The following ETV5 variants were observed in gnomAD, a reference collection of about 807,000 sequenced individuals.
The protein encoded by ETV5 is ETS variant transcription factor 5, also known as ETS translocation variant 5.
A neutral mutation model predicts 70.0 loss-of-function variants in ETV5; 10 were observed. The observed-to-expected ratio is 0.14, with a 90% confidence interval of 0.09 to 0.24. The LOEUF is 0.24. Ranked by LOEUF, ETV5 falls within the 10% of genes least tolerant of loss-of-function variation. The probability of loss-of-function intolerance (pLI) is 1.00; values close to 1 mark genes in which losing one functional copy is unlikely to be tolerated. For synonymous variants in ETV5, 216 were observed against 242.2 expected (o/e 0.89, Z 1.01); for missense variants, 453 against 651.2 (o/e 0.70, Z 3.31).
chr3:186,105,323 C>A lies in ETV5; in HGVS notation c.214G>T (p.Asp72Tyr). The change falls in exon 5 of 13, where the codon GAT becomes TAT. Residue 72 changes from aspartate to tyrosine, a missense_variant. Physicochemically the swap from Asp to Tyr is radical, Grantham distance 160 (BLOSUM62 -3). Around this residue, in one of 4 missense-constraint regions of ETV5, gnomAD observed 47 missense variants for 96.8 expected, o/e 0.49. Transcript: ENST00000306376. The surrounding 1 kb of genome is among the most constrained non-coding windows in gnomAD (Gnocchi z 4.5). Reference sequence around the variant, plus strand: ...TACTTACGGTTATCAGACTGAAAATCTGGGACAAACTGTTCATCATCAGGA... The same window carrying A: ...TACTTACGGTTATCAGACTGAAAATATGGGACAAACTGTTCATCATCAGGA... ...QVPDDEQFVP[D>Y]FQSDNLVLHA... The A allele has an allele frequency of 1.2e-6, 2 of 1,612,698 alleles. No homozygotes were observed. Among genetic ancestry groups the A allele is most frequent in the Non-Finnish European group, 1.7e-6 (2 of 1,179,792 alleles).
intron 7 of ETV5, among the ~76,000 whole-genome samples, chr3:186,074,798 C>CAA: frequency 6.9e-6 from 1 of 145,610 alleles, no homozygotes. Flanking sequence ...CCTATAATTC[C>CAA]AGCTATGCAC....
intron 5 of ETV5, among the ~76,000 whole-genome samples, chr3:186,085,615 TCTC>T (rs1714039439): frequency 6.6e-6 from 1 of 151,578 alleles, no homozygotes; most frequent in Admixed American, 6.6e-5. Flanking sequence ...TTCAAGTGAT[TCTC>T]CTATCTCAGC....
In ETV5 at chr3:186,057,929, C is replaced by T. The variant is rs1473980687; in HGVS notation, c.971-438G>A. 6.6e-6 allele frequency among the ~76,000 whole-genome samples: 1 copy of T among 152,198 alleles called. No homozygotes were observed. The highest frequency in any genetic ancestry group is 1.5e-5 in the Non-Finnish European group (1 of 68,036). On this transcript the variant is annotated intron_variant, in intron 9 of 12. Coordinates refer to ENST00000306376, the MANE Select transcript of ETV5 (RefSeq NM_004454.3). The surrounding 1 kb of genome is among the most constrained non-coding windows in gnomAD (Gnocchi z 4.9). ...TTAATTTCAACCTTTCCTACTAACT[C>T]ATCCAAGCTACTCACATACCTCGTT...
At chr3:186,077,730 G>T (rs1304074458) in intron 7 of ETV5, among the ~76,000 whole-genome samples, 1 of 152,128 alleles carries the variant, frequency 6.6e-6, no homozygotes, top group African/African-American at 2.4e-5. Flanking sequence ...ACTCCCATGG[G>T]GACTCCTGTG....
In ETV5 at chr3:186,105,247, G is replaced by A; in HGVS notation, c.232+58C>T. 1 of 1,454,010 alleles carries A rather than the reference G, an allele frequency of 6.9e-7. No individual in the cohort carries two copies. The highest frequency in any genetic ancestry group is 9.5e-7 in the Non-Finnish European group (1 of 1,050,810). 90.1% of individuals were successfully genotyped at this position (1,454,010 alleles called of 1,614,324 possible). A position where few individuals can be genotyped will look rare whatever the true frequency, so the allele number is the denominator to read the frequency against. On this transcript the variant is annotated intron_variant, in intron 5 of 12. Transcript: ENST00000306376. The surrounding 1 kb of genome is among the most constrained non-coding windows in gnomAD (Gnocchi z 4.5). ...CTGAAAAAAGCATATTCTAGACATG[G>A]ATGATCTAAGACCAAACAATTTCAG...
At chr3:186,064,168 G>A in intron 9 of ETV5, 1 of 550,424 alleles carries the variant, frequency 1.8e-6, no homozygotes, top group East Asian at 3.0e-5. Flanking sequence ...CAGGGCTTAG[G>A]GGCATGCTTG....
Position 186,057,543 on chromosome 3 carries a change from T to C in ETV5, c.971-52A>G. The stretch of plus-strand genomic sequence containing the variant: ...ACGTTGCTTAACAAATTCTGTGTTG[T>C]ACTAAAACTATGGATTTAAGGACTA... On this transcript the variant is annotated intron_variant, in intron 9 of 12. Coordinates refer to ENST00000306376, the MANE Select transcript of ETV5 (RefSeq NM_004454.3). This position sits in a 1 kb window ranked among gnomAD's most constrained non-coding sequence, Gnocchi z 4.9. The C allele has an allele frequency of 6.9e-7, 1 of 1,449,968 alleles. No individual in the cohort carries two copies. Among genetic ancestry groups the C allele is most frequent in the Non-Finnish European group, 9.7e-7 (1 of 1,030,920 alleles). 89.8% of individuals were successfully genotyped at this position (1,449,968 alleles called of 1,614,324 possible).
chr3:186,088,700 C>A (rs1179860679), intron 5 of ETV5, among the ~76,000 whole-genome samples: 8 of 152,144 alleles, frequency 5.3e-5, no homozygotes, highest in Non-Finnish European at 1.5e-5. Flanking sequence ...CAAAACAGAA[C>A]CGAAAAATCC....
rs2228269 is a variant in ETV5, at chr3:186,057,241, T to G, written c.1043A>C (p.Lys348Thr). 2.5e-6 allele frequency: 4 copies of G among 1,614,138 alleles called. No individual in the cohort carries two copies. The highest frequency in any genetic ancestry group is 2.2e-5 in the South Asian group (2 of 91,084). The part of the protein sequence containing the change: ...TCVVPERLEG[K>T]VKQEPTMYRE... ...ATACATGGTAGGCTCCTGTTTGACT[T>G]TGCCTGTTTGGGACAAGGACACATC... Residue 348 changes from lysine (K) to threonine (T), a missense_variant, in exon 11 of 13, where the codon AAA becomes ACA. Transcript: ENST00000306376. This position sits in a 1 kb window ranked among gnomAD's most constrained non-coding sequence, Gnocchi z 4.9.
intron 6 of ETV5, among the ~76,000 whole-genome samples, 196 bp from the exon 7 acceptor site, chr3:186,080,300 T>A (rs1713902136): frequency 6.6e-6 from 1 of 152,180 alleles, no homozygotes; most frequent in South Asian, 2.1e-4. Context: ...CAGGGACTTG[T>A]TTAACACTTC....
rs531261838 is a variant in ETV5, at chr3:186,101,646, C to T, written c.232+3659G>A. 2.0e-5 allele frequency among the ~76,000 whole-genome samples: 3 copies of T among 152,286 alleles called. No homozygotes were observed. The South Asian group carries it at 6.2e-4, about 32-fold the overall frequency. On this transcript the variant is annotated intron_variant, in intron 5 of 12. Transcript: ENST00000306376. ...CCAGGTATCTGAAATAATGGAGACC[C>T]TGAATACACTTGAATATGCCACTAC... is the stretch of plus-strand genomic sequence containing the variant.
chr3:186,068,262 A>G (rs542192722), intron 7 of ETV5, among the ~76,000 whole-genome samples: 1 of 152,372 alleles, frequency 6.6e-6, no homozygotes, highest in African/African-American at 2.4e-5. Context: ...ATGTAAATAT[A>G]TAAGGTCTTG....
intron 5 of ETV5, among the ~76,000 whole-genome samples, chr3:186,093,221 T>C (rs946084072): frequency 2.0e-5 from 3 of 152,158 alleles, no homozygotes; most frequent in Non-Finnish European, 2.9e-5. Flanking sequence ...AATGGTGATT[T>C]TATACTTACA....
chr3:186,087,628 A>G (rs1051935083), intron 5 of ETV5, among the ~76,000 whole-genome samples: 5 of 152,236 alleles, frequency 3.3e-5, no homozygotes, highest in Non-Finnish European at 7.3e-5. Context: ...TTTAAAATAG[A>G]AAAAATAAAC....
In ETV5 at chr3:186,050,009, C is replaced by T. The variant is rs905596796; in HGVS notation, c.1312-1149G>A. Among the ~76,000 whole-genome samples, 8 of 152,116 alleles carry T rather than the reference C, an allele frequency of 5.3e-5. No homozygotes were observed. In the East Asian group the frequency reaches 9.6e-4, roughly 18 times the overall value. The stretch of plus-strand genomic sequence containing the variant: ...AGCTTTTCTAAGTCTCTCTACACAC[C>T]GACGGGCTATCATTCACCTTTTAAT... On this transcript the variant is annotated intron_variant, in intron 12 of 12. Transcript: ENST00000306376.
intron 1 of ETV5, among the ~76,000 whole-genome samples, chr3:186,107,573 G>A (rs1371125173): frequency 1.3e-5 from 2 of 152,202 alleles, no homozygotes; most frequent in East Asian, 1.9e-4. Flanking sequence ...GCATTCCAGG[G>A]TTAGAAAAAT....
intron 9 of ETV5, among the ~76,000 whole-genome samples, chr3:186,061,914 T>A (rs1186294987): frequency 6.6e-6 from 1 of 152,148 alleles, no homozygotes. Flanking sequence ...TCGTAAAATT[T>A]AAAAATCTGT....
chr3:186,056,995 G>T, intron 11 of ETV5, 80 bp downstream of exon 11: 1 of 1,511,480 alleles, frequency 6.6e-7, no homozygotes, highest in African/African-American at 1.4e-5. Flanking sequence ...GACACAAAAA[G>T]CCTCAATGGA....
Position 186,057,597 on chromosome 3 carries a change from A to T in ETV5, c.971-106T>A, listed in dbSNP as rs1448413977. On this transcript the variant is annotated intron_variant, in intron 9 of 12. Coordinates refer to ENST00000306376, the MANE Select transcript of ETV5 (RefSeq NM_004454.3). This position sits in a 1 kb window ranked among gnomAD's most constrained non-coding sequence, Gnocchi z 4.9. ...TGCAATCCTATCATTTCAGATCCTAAGTCCTACTGCTGTATCTATGGCAGA... is the reference window on the plus strand; with the variant it reads ...TGCAATCCTATCATTTCAGATCCTATGTCCTACTGCTGTATCTATGGCAGA... 1.5e-5 allele frequency: 14 copies of T among 956,328 alleles called. No individual in the cohort carries two copies. Among genetic ancestry groups the T allele is most frequent in the Non-Finnish European group, 1.7e-5 (10 of 593,386 alleles). The allele number at this position is 956,328 out of a possible 1,614,324, so 59.2% of individuals were successfully genotyped here. A position where few individuals can be genotyped will look rare whatever the true frequency, so the allele number is the denominator to read the frequency against.
Sources: allele counts gnomAD v4.1 joint callset (sites outside exome capture counted in the v4.1 genomes callset), GRCh38; gene constraint gnomAD v4.1.1; regional missense constraint gnomAD v4.1.1; non-coding constraint Gnocchi (gnomAD v3.1); transcripts MANE v1.5; gene names NCBI Gene and HGNC (gene_info 2026-07-23, HGNC 2026-07-21).